Variants in ATAD2B observed in about 807,000 individuals in gnomAD.
ATAD2B encodes the protein ATPase family AAA domain-containing protein 2B.
ATAD2B carries 40 observed loss-of-function variants against 167.6 expected under a neutral mutation model. The ratio of observed to expected loss-of-function variants is 0.24; its 90% CI spans 0.19 to 0.31. The LOEUF (loss-of-function observed/expected upper bound fraction) is 0.31, where lower values mean the gene tolerates loss of function less well. ATAD2B is among the 10% of genes least tolerant of loss of function. The probability of loss-of-function intolerance (pLI) is 1.00; values close to 1 mark genes in which losing one functional copy is unlikely to be tolerated. For missense variants in ATAD2B, 1,242 were observed against 1,757.2 expected (o/e 0.71, Z 5.24); for synonymous variants, 579 against 596.5 (o/e 0.97, Z 0.43).
At position 23,927,008 on chromosome 2, in the gene ATAD2B, G is replaced by C. The variant is rs906737838; in HGVS notation, c.-238C>G. ...TGCAGACCGGCAGCACAGACACTCC[G>C]CCGGCTTCGCCCTCCTCAGCGGGAG... On this transcript the variant is annotated 5_prime_UTR_variant, in exon 1 of 28. Coordinates refer to ENST00000238789, the MANE Select transcript of ATAD2B (RefSeq NM_017552.4). 29 of 497,746 alleles carry C rather than the reference G, an allele frequency of 5.8e-5. No individual in the cohort carries two copies. Among genetic ancestry groups the C allele is most frequent in the Non-Finnish European group, 9.4e-5 (27 of 287,254 alleles). 30.8% of individuals were successfully genotyped at this position (497,746 alleles called of 1,614,324 possible). A position where few individuals can be genotyped will look rare whatever the true frequency, so the allele number is the denominator to read the frequency against.
intron 13 of ATAD2B, among the ~76,000 whole-genome samples, chr2:23,850,342 C>T (rs1451871005): frequency 6.6e-6 from 1 of 152,036 alleles, no homozygotes; most frequent in Non-Finnish European, 1.5e-5. Context: ...AACTGAATGA[C>T]AGTGAATACA....
At chr2:23,684,195 A>G in the ATAD2B span, among the ~76,000 whole-genome samples, 1 of 152,026 alleles carries the variant, frequency 6.6e-6, no homozygotes, top group Non-Finnish European at 1.5e-5. The surrounding 1 kb of genome is among the most constrained non-coding windows in gnomAD (Gnocchi z 4.4). Flanking sequence ...TCCTTTGGTT[A>G]TTAGCCCCTC....
chr2:23,703,782 C>T, the ATAD2B span: 1 of 1,537,362 alleles, frequency 6.5e-7, no homozygotes, highest in Non-Finnish European at 8.7e-7. Flanking sequence ...GGGGCTTATG[C>T]CAGAGCTACC....
chr2:23,891,694 G>C (rs2150328251), intron 2 of ATAD2B, among the ~76,000 whole-genome samples: 1 of 151,816 alleles, frequency 6.6e-6, no homozygotes, highest in East Asian at 1.9e-4. Flanking sequence ...TCACTATGTT[G>C]GCCAGGCTGG....
At chr2:23,875,982 T>G (rs776961041) in intron 7 of ATAD2B, 78 bp from the exon 8 acceptor site, 9 of 1,096,808 alleles carry the variant, frequency 8.2e-6, no homozygotes, top group Non-Finnish European at 1.2e-5. Flanking sequence ...AGAAATGACT[T>G]CTGCTCACTT....
At chr2:23,732,025 T>G in the ATAD2B span, among the ~76,000 whole-genome samples, 1 of 152,170 alleles carries the variant, frequency 6.6e-6, no homozygotes, top group African/African-American at 2.4e-5. Flanking sequence ...ATATTATTTT[T>G]TGTAAAGAAT....
intron 13 of ATAD2B, among the ~76,000 whole-genome samples, chr2:23,856,961 C>T (rs959390368): frequency 5.3e-5 from 8 of 151,764 alleles, no homozygotes; most frequent in Admixed American, 5.3e-4. Context: ...GTAATCTCGG[C>T]ACTTTGGGAG....
At chr2:23,799,446 G>A (rs970041313) in intron 18 of ATAD2B, among the ~76,000 whole-genome samples, 2 of 151,120 alleles carry the variant, frequency 1.3e-5, no homozygotes, top group East Asian at 3.9e-4. Context: ...GGTGGCACAC[G>A]CCTGTAGTCC....
Position 23,823,186 on chromosome 2 carries a change from T to C in ATAD2B, c.2131+72A>G, listed in dbSNP as rs1572913966. ...TACAAAAGTGACACATAAATAATCT[T>C]ATGAGGAAACTATATTTATTTATTC... On this transcript the variant is annotated intron_variant, in intron 16 of 27. Transcript: ENST00000238789. The C allele has an allele frequency of 4.8e-6, 6 of 1,262,924 alleles. No homozygotes were observed. In the East Asian group the frequency reaches 1.5e-4, roughly 32 times the overall value. 78.2% of individuals were successfully genotyped at this position (1,262,924 alleles called of 1,614,324 possible).
At chr2:23,863,302 G>A (rs1694695990) in intron 12 of ATAD2B, 79 bp downstream of exon 12, 3 of 1,373,540 alleles carry the variant, frequency 2.2e-6, no homozygotes, top group South Asian at 2.9e-5. Flanking sequence ...AACAGAGAGA[G>A]GCCCTGTCTC....
At chr2:23,922,021 A>C (rs1279879700) in intron 1 of ATAD2B, among the ~76,000 whole-genome samples, 1 of 152,176 alleles carries the variant, frequency 6.6e-6, no homozygotes, top group African/African-American at 2.4e-5. Context: ...AAAGTATACT[A>C]AAGAAGGACC....
At chr2:23,919,302 T>C (rs1703546850) in intron 1 of ATAD2B, among the ~76,000 whole-genome samples, 1 of 152,134 alleles carries the variant, frequency 6.6e-6, no homozygotes, top group Admixed American at 6.5e-5. Context: ...ATCCCAGCAC[T>C]TTGGGAGGCC....
chr2:23,767,359 G>A (rs897129079), intron 22 of ATAD2B, among the ~76,000 whole-genome samples: 2 of 152,136 alleles, frequency 1.3e-5, no homozygotes, highest in African/African-American at 4.8e-5. Flanking sequence ...ACATGCATCA[G>A]GGATAATAAA....
At chr2:23,844,855 T>G (rs1264100112) in intron 13 of ATAD2B, among the ~76,000 whole-genome samples, 2 of 151,536 alleles carry the variant, frequency 1.3e-5, no homozygotes, top group Non-Finnish European at 2.9e-5. Flanking sequence ...TTTTACAAGT[T>G]TGATGAAAAA....
At chr2:23,804,850 T>A (rs77595113) in intron 18 of ATAD2B, among the ~76,000 whole-genome samples, 1 of 151,982 alleles carries the variant, frequency 6.6e-6, no homozygotes, top group Non-Finnish European at 1.5e-5. Context: ...TTTGAAAATA[T>A]TTCTCTTGGC....
chr2:23,774,332 G>A (rs957827826), intron 22 of ATAD2B, among the ~76,000 whole-genome samples: 4 of 152,132 alleles, frequency 2.6e-5, no homozygotes, highest in African/African-American at 7.2e-5. Context: ...TCCTGTAGCT[G>A]TAGTCCTAGC....
intron 14 of ATAD2B, among the ~76,000 whole-genome samples, chr2:23,829,798 T>G (rs13020533): frequency 6.6e-6 from 1 of 152,152 alleles, no homozygotes; most frequent in African/African-American, 2.4e-5. Flanking sequence ...CTTTGTCAGT[T>G]AGTTGATGCT....
chr2:23,843,053 T>C (rs958108062), intron 13 of ATAD2B, among the ~76,000 whole-genome samples: 5 of 152,270 alleles, frequency 3.3e-5, no homozygotes, highest in Admixed American at 6.5e-5. Flanking sequence ...AAACCAAATG[T>C]TGAAGCTAAC....
At chr2:23,816,014 C>G (rs905855453) in intron 17 of ATAD2B, among the ~76,000 whole-genome samples, 1 of 152,086 alleles carries the variant, frequency 6.6e-6, no homozygotes, top group African/African-American at 2.4e-5. Context: ...AGGACAATGT[C>G]TGGAACATGA....
Sources: gnomAD v4.1 joint callset for allele counts (sites outside exome capture counted in the v4.1 genomes callset) on GRCh38, gnomAD v4.1.1 for gene constraint, Gnocchi (gnomAD v3.1) non-coding constraint, MANE v1.5 for transcripts, NCBI Gene and HGNC (gene_info 2026-07-23, HGNC 2026-07-21) for gene names.